Variants in PTPRK observed in about 807,000 individuals in gnomAD.
PTPRK encodes receptor-type tyrosine-protein phosphatase kappa.
Under a neutral mutation model 178.0 loss-of-function variants are expected in PTPRK, and 75 were observed. The observed-to-expected ratio is 0.42, with a 90% CI of 0.35 to 0.51. PTPRK has a LOEUF of 0.51. Among genes scored for constraint, PTPRK ranks in the 20% least tolerant of loss-of-function variants. The pLI is 0.02. For missense variants in PTPRK, 1,441 were observed against 1,797.8 expected, an observed-to-expected ratio of 0.80 and a Z score of 3.59; for synonymous variants, 637 against 620.6, an observed-to-expected ratio of 1.03 and a Z score of -0.39.
At chr6:128,225,184 C>A (rs565652525) in intron 5 of PTPRK, among the ~76,000 whole-genome samples, 1 of 152,186 alleles carries the variant, frequency 6.6e-6, no homozygotes, top group East Asian at 1.9e-4. Context: ...TGAAAATAAT[C>A]AAATTACATT....
intron 9 of PTPRK, 99 bp from the exon 10 acceptor site, chr6:128,082,737 G>T: frequency 2.5e-6 from 2 of 802,518 alleles, no homozygotes; most frequent in Non-Finnish European, 3.7e-6. Context: ...GCATCCATGT[G>T]GAGTCAATGG....
intron 6 of PTPRK, among the ~76,000 whole-genome samples, chr6:128,212,949 T>G (rs1808485477): frequency 1.3e-5 from 2 of 152,060 alleles, no homozygotes; most frequent in African/African-American, 4.8e-5. Context: ...AAAAAAGTAT[T>G]TGGCATAATG....
intron 7 of PTPRK, among the ~76,000 whole-genome samples, chr6:128,173,320 G>C (rs1800577797): frequency 6.6e-6 from 1 of 151,956 alleles, no homozygotes. Context: ...CCCTTGAGCA[G>C]GGAGGCTTGA....
At chr6:128,047,153 A>C (rs1778171088) in intron 13 of PTPRK, among the ~76,000 whole-genome samples, 2 of 152,168 alleles carry the variant, frequency 1.3e-5, no homozygotes, top group South Asian at 4.1e-4. Flanking sequence ...ATGCATTTGG[A>C]TTTTGGATAA....
intron 29 of PTPRK, 24 bp from the exon 30 acceptor site, chr6:127,970,304 A>G: frequency 6.3e-7 from 1 of 1,599,306 alleles, no homozygotes; most frequent in Non-Finnish European, 8.6e-7. Context: ...AAACACAAAG[A>G]GTGAGAAAAC....
chr6:128,308,480 T>A (rs1482201388), intron 3 of PTPRK, among the ~76,000 whole-genome samples: 1 of 151,722 alleles, frequency 6.6e-6, no homozygotes, highest in Non-Finnish European at 1.5e-5. Flanking sequence ...GAATTTTTTT[T>A]AAAAAGGTGA....
At chr6:128,363,480 G>A (rs1339833783) in intron 2 of PTPRK, among the ~76,000 whole-genome samples, 1 of 152,148 alleles carries the variant, frequency 6.6e-6, no homozygotes, top group African/African-American at 2.4e-5. Flanking sequence ...TACAATCTAA[G>A]TTGACTTGAA....
At chr6:128,086,254 C>T (rs2115013117) in intron 8 of PTPRK, among the ~76,000 whole-genome samples, 1 of 152,178 alleles carries the variant, frequency 6.6e-6, no homozygotes, top group East Asian at 1.9e-4. Flanking sequence ...ATTAGATAAG[C>T]ATTATAGCCT....
chr6:128,440,952 T>A (rs1291023563), intron 1 of PTPRK, among the ~76,000 whole-genome samples: 2 of 152,090 alleles, frequency 1.3e-5, no homozygotes, highest in Non-Finnish European at 2.9e-5. Context: ...GATACAGCCA[T>A]CTGTATTTGA....
intron 1 of PTPRK, among the ~76,000 whole-genome samples, chr6:128,425,265 G>C (rs2128389676): frequency 6.6e-6 from 1 of 152,080 alleles, no homozygotes; most frequent in South Asian, 2.1e-4. Flanking sequence ...TTTTAGTAGA[G>C]TTGGGGTTTC....
At chr6:127,999,632 G>A (rs1424491361) in intron 15 of PTPRK, among the ~76,000 whole-genome samples, 1 of 151,936 alleles carries the variant, frequency 6.6e-6, no homozygotes, top group South Asian at 2.1e-4. Context: ...GTCTTTTCTG[G>A]CCCCTCCAGG....
chr6:128,247,573 C>A (rs991417796), intron 3 of PTPRK, among the ~76,000 whole-genome samples: 1 of 152,164 alleles, frequency 6.6e-6, no homozygotes, highest in South Asian at 2.1e-4. Flanking sequence ...CCTGCCTCAG[C>A]CTCCCAAACT....
chr6:128,231,451 C>T (rs1233003036), intron 5 of PTPRK, among the ~76,000 whole-genome samples: 1 of 152,116 alleles, frequency 6.6e-6, no homozygotes, highest in Non-Finnish European at 1.5e-5. Flanking sequence ...GAGCAGGTGA[C>T]AAGAAACTAG....
Position 128,472,775 on chromosome 6 carries a change from C to T in PTPRK, c.100+47484G>A, listed in dbSNP as rs574138581. 8.0e-5 allele frequency: 20 copies of T among 250,428 alleles called. No homozygotes were observed. In the South Asian group the frequency reaches 8.6e-4, roughly 11 times the overall value. The allele number at this position is 250,428 out of a possible 1,614,324, so 15.5% of individuals were successfully genotyped here. ...ATTAAGAAAACTTAACATTGATACA[C>T]CACAGTTATATAATCCAGAGTTTGA... is the stretch of plus-strand genomic sequence containing the variant. On this transcript the variant is annotated intron_variant, in intron 1 of 29. Coordinates refer to ENST00000368226, the MANE Select transcript of PTPRK (RefSeq NM_002844.4).
intron 3 of PTPRK, among the ~76,000 whole-genome samples, chr6:128,268,402 A>G (rs1464185814): frequency 6.6e-6 from 1 of 152,072 alleles, no homozygotes; most frequent in Non-Finnish European, 1.5e-5. Flanking sequence ...TCTACGTGAG[A>G]GGAAACATAA....
chr6:128,211,281 C>T (rs896727375), intron 6 of PTPRK, among the ~76,000 whole-genome samples: 2 of 152,108 alleles, frequency 1.3e-5, no homozygotes, highest in African/African-American at 4.8e-5. Context: ...TGAAATGTTA[C>T]AATATTTCCC....
intron 21 of PTPRK, among the ~76,000 whole-genome samples, chr6:127,987,386 ATAT>A (rs1233978468): frequency 1.3e-5 from 2 of 152,022 alleles, no homozygotes; most frequent in South Asian, 2.1e-4. Context: ...ACTCATTCAC[ATAT>A]TATGCGTATC....
chr6:128,197,539 C>T (rs1240299729), intron 6 of PTPRK, among the ~76,000 whole-genome samples: 1 of 151,720 alleles, frequency 6.6e-6, no homozygotes, highest in East Asian at 1.9e-4. Flanking sequence ...TATATAAATG[C>T]AAATTATGTT....
chr6:128,306,337 T>G (rs867036066), intron 3 of PTPRK, among the ~76,000 whole-genome samples: 1 of 152,122 alleles, frequency 6.6e-6, no homozygotes, highest in East Asian at 1.9e-4. Context: ...ATGGATACAA[T>G]GGAATGAGCT....
Sources: allele counts gnomAD v4.1 joint callset (sites outside exome capture counted in the v4.1 genomes callset), GRCh38; gene constraint gnomAD v4.1.1; transcripts MANE v1.5; gene names NCBI Gene and HGNC (gene_info 2026-07-23, HGNC 2026-07-21).